Variants in TXNRD2 observed in about 807,000 individuals in gnomAD.
TXNRD2 encodes thioredoxin reductase 2, also known as thioredoxin reductase 2, mitochondrial.
Under a neutral mutation model 70.8 loss-of-function variants are expected in TXNRD2, and 67 were observed. The observed-to-expected ratio is 0.95, with a 90% CI of 0.78 to 1.16. The LOEUF (loss-of-function observed/expected upper bound fraction) is 1.16, where lower values mean the gene tolerates loss of function less well. TXNRD2 is among the 50% of genes most tolerant of loss of function. TXNRD2 has a pLI of 0.00. For missense variants in TXNRD2, 644 were observed against 719.9 expected, an observed-to-expected ratio of 0.89 and a Z score of 1.21; for synonymous variants, 301 against 295.8, an observed-to-expected ratio of 1.02 and a Z score of -0.18.
intron 1 of TXNRD2, among the ~76,000 whole-genome samples, chr22:19,932,085 C>T (rs1245597657): frequency 6.7e-6 from 1 of 148,368 alleles, no homozygotes; most frequent in African/African-American, 2.5e-5. Context: ...GGCGTGAACC[C>T]GGGAGGCGGA....
At chr22:19,937,329 G>A (rs1458673804) in intron 1 of TXNRD2, among the ~76,000 whole-genome samples, 1 of 152,112 alleles carries the variant, frequency 6.6e-6, no homozygotes, top group Non-Finnish European at 1.5e-5. Flanking sequence ...ACGCACCCCA[G>A]GCCAAGCTTC....
intron 8 of TXNRD2, among the ~76,000 whole-genome samples, chr22:19,902,068 G>A (rs1939803050): frequency 6.6e-6 from 1 of 152,192 alleles, no homozygotes; most frequent in Admixed American, 6.5e-5. Context: ...ATGGTGGTAT[G>A]CACCTGTAGT....
chr22:19,908,370 C>G (rs1940168843), intron 8 of TXNRD2, among the ~76,000 whole-genome samples: 2 of 152,138 alleles, frequency 1.3e-5, no homozygotes, highest in Admixed American at 1.3e-4. Flanking sequence ...GGAAGGGCAG[C>G]TCCCCTTGTA....
At chr22:19,919,499 A>G (rs751423026) in intron 3 of TXNRD2, 44 bp downstream of exon 3, 40 of 1,546,478 alleles carry the variant, frequency 2.6e-5, no homozygotes, top group Non-Finnish European at 3.4e-5. Context: ...CCCACCTCCC[A>G]CCTCCTTCCC....
At chr22:19,919,517 C>T in intron 3 of TXNRD2, 26 bp downstream of exon 3, 1 of 1,553,514 alleles carries the variant, frequency 6.4e-7, no homozygotes. Context: ...CCCCAGGACA[C>T]CCGGCTCCCA....
At chr22:19,911,559 C>T in intron 7 of TXNRD2, 112 bp from the exon 8 acceptor site, 2 of 816,486 alleles carry the variant, frequency 2.4e-6, no homozygotes, top group South Asian at 1.4e-5. Flanking sequence ...CCAGGGCACA[C>T]ATGCACAGGG....
At chr22:19,899,658 G>A (rs916538925) in intron 8 of TXNRD2, among the ~76,000 whole-genome samples, 4 of 152,244 alleles carry the variant, frequency 2.6e-5, no homozygotes, top group African/African-American at 9.6e-5. Context: ...CTCTTGTAGT[G>A]AAAACCCTCT....
chr22:19,881,746 G>C (rs959805505), intron 12 of TXNRD2, among the ~76,000 whole-genome samples: 3 of 152,208 alleles, frequency 2.0e-5, no homozygotes, highest in African/African-American at 7.2e-5. Flanking sequence ...GGATTCAACA[G>C]ACCCTGCAAC....
chr22:19,932,575 G>A, intron 1 of TXNRD2: 1 of 1,463,756 alleles, frequency 6.8e-7, no homozygotes, highest in Non-Finnish European at 9.1e-7. Flanking sequence ...CCAGGCACCA[G>A]CCAACTCCCT....
intron 9 of TXNRD2, among the ~76,000 whole-genome samples, 153 bp from the exon 10 acceptor site, chr22:19,898,283 G>A (rs1267148050): frequency 1.3e-5 from 2 of 152,208 alleles, no homozygotes; most frequent in Non-Finnish European, 2.9e-5. Flanking sequence ...CACATCTCAA[G>A]TGCACAGGCT....
chr22:19,934,395 A>AC (rs1555915975), intron 1 of TXNRD2, among the ~76,000 whole-genome samples: 6 of 151,100 alleles, frequency 4.0e-5, no homozygotes, highest in African/African-American at 1.5e-4. Flanking sequence ...AAAAAAAAAA[A>AC]AAAAAACTGC....
intron 12 of TXNRD2, among the ~76,000 whole-genome samples, chr22:19,882,390 G>A (rs759961535): frequency 3.9e-5 from 6 of 152,076 alleles, no homozygotes; most frequent in African/African-American, 7.2e-5. Context: ...TAGTAGAGAC[G>A]GTTTCACCAT....
At chr22:19,908,473 T>G (rs1159894591) in intron 8 of TXNRD2, among the ~76,000 whole-genome samples, 2 of 151,594 alleles carry the variant, frequency 1.3e-5, no homozygotes, top group East Asian at 3.9e-4. Flanking sequence ...AAATAAAAAT[T>G]AAAGAAAGAA....
chr22:19,909,155 G>A (rs1272323072), intron 8 of TXNRD2, among the ~76,000 whole-genome samples: 9 of 148,808 alleles, frequency 6.0e-5, no homozygotes, highest in Non-Finnish European at 1.2e-4. Context: ...GCAGTGAGCC[G>A]AGATCGCACC....
At chr22:19,887,787 T>C (rs1939096628) in intron 11 of TXNRD2, 1 of 152,332 alleles carries the variant, frequency 6.6e-6, no homozygotes, top group Non-Finnish European at 1.5e-5. Flanking sequence ...CCAGCCATCC[T>C]GAAGGCAGGC....
rs1397360730 is a variant in TXNRD2, at chr22:19,935,884, G to A, written c.104-4786C>T. 3.3e-5 allele frequency among the ~76,000 whole-genome samples: 5 copies of A among 152,304 alleles called. No homozygotes were observed. In the Middle Eastern group the frequency reaches 0.01, roughly 311 times the overall value. ...GTCCAGTCCACAGAAATGCTTGTTT[G>A]GCTCCCCAACGATTGGTGAGTTGTC... On this transcript the variant is annotated intron_variant, in intron 1 of 17. Coordinates refer to ENST00000400521, the MANE Select transcript of TXNRD2 (RefSeq NM_006440.5).
intron 2 of TXNRD2, among the ~76,000 whole-genome samples, chr22:19,922,596 C>T (rs926790372): frequency 4.6e-5 from 7 of 152,210 alleles, no homozygotes; most frequent in Non-Finnish European, 1.0e-4. Flanking sequence ...TCCTTCGACT[C>T]CAGGGTGGTT....
intron 1 of TXNRD2, among the ~76,000 whole-genome samples, chr22:19,931,969 G>A (rs1321664503): frequency 6.6e-6 from 1 of 151,764 alleles, no homozygotes; most frequent in Non-Finnish European, 1.5e-5. Flanking sequence ...GACCATCCTG[G>A]CTAACACAGT....
At chr22:19,892,257 CA>C (rs1939296873) in intron 11 of TXNRD2, among the ~76,000 whole-genome samples, 1 of 152,256 alleles carries the variant, frequency 6.6e-6, no homozygotes, top group South Asian at 2.1e-4. Context: ...TACAAACCAG[CA>C]GAAAACGCTC....
Sources: gnomAD v4.1 joint callset for allele counts (sites outside exome capture counted in the v4.1 genomes callset) on GRCh38, gnomAD v4.1.1 for gene constraint, MANE v1.5 for transcripts, NCBI Gene and HGNC (gene_info 2026-07-23, HGNC 2026-07-21) for gene names.